Variants in ADGRV1 observed in about 807,000 individuals in gnomAD.
ADGRV1 encodes the protein adhesion G protein-coupled receptor V1.
In ADGRV1, 359 loss-of-function variants were observed where a neutral mutation model predicts 596.2. The observed-to-expected ratio is 0.60, with a 90% CI of 0.55 to 0.66. ADGRV1 has a LOEUF of 0.66. Ranked by LOEUF, ADGRV1 falls within the 30% of genes least tolerant of loss-of-function variation. The pLI is 0.00. For missense variants in ADGRV1, 7,274 were observed against 7,575.6 expected (o/e 0.96, Z 1.48); for synonymous variants, 2,681 against 2,679.2 (o/e 1.00, Z -0.02).
chr5:90,629,690 A>G (rs1765246663), intron 9 of ADGRV1, 151 bp downstream of exon 9: 1 of 591,920 alleles, frequency 1.7e-6, no homozygotes, highest in Admixed American at 3.0e-5. Flanking sequence ...CGGAAGAGAG[A>G]TTATGCCTGC....
chr5:90,930,395 A>G (rs190049799), intron 83 of ADGRV1, among the ~76,000 whole-genome samples: 35 of 152,346 alleles, frequency 2.3e-4, no homozygotes, highest in Admixed American at 4.6e-4. Context: ...TTTATTATAG[A>G]CTTAATTGGC....
At position 90,627,364 on chromosome 5, in the gene ADGRV1, G is replaced by T; in HGVS notation, c.826G>T (p.Asp276Tyr). The T allele has an allele frequency of 6.2e-7, 1 of 1,613,854 alleles. No homozygotes were observed. The highest frequency in any genetic ancestry group is 8.5e-7 in the Non-Finnish European group (1 of 1,179,818). ...GAGTATTTATTTGGTTCCTGAGGAAGACCACATACTCATAATTCCAGTAGT... is the reference window on the plus strand; with the variant it reads ...GAGTATTTATTTGGTTCCTGAGGAATACCACATACTCATAATTCCAGTAGT... ...LQSIYLVPEEDHILIIPVVRG... is the reference protein window; with the variant it reads ...LQSIYLVPEEYHILIIPVVRG... Residue 276 changes from aspartate (D) to tyrosine (Y), a missense_variant, in exon 7 of 90, where the codon GAC (aspartate) becomes TAC (tyrosine). Asp to Tyr is a radical substitution (Grantham distance 160). Transcript: ENST00000405460.
chr5:90,993,050 C>G (rs569515041), intron 85 of ADGRV1, among the ~76,000 whole-genome samples: 86 of 151,204 alleles, frequency 5.7e-4, no homozygotes, highest in African/African-American at 2.0e-3. Flanking sequence ...CCCCCAATGT[C>G]TTTTTTCTAC....
intron 85 of ADGRV1, among the ~76,000 whole-genome samples, chr5:91,037,634 C>T (rs868760676): frequency 9.2e-5 from 14 of 152,094 alleles, no homozygotes; most frequent in South Asian, 8.3e-4. Context: ...AACAGATAAG[C>T]CATAAAAAGA....
At chr5:91,124,498 C>G (rs1793584485) in intron 87 of ADGRV1, among the ~76,000 whole-genome samples, 1 of 152,168 alleles carries the variant, frequency 6.6e-6, no homozygotes, top group Non-Finnish European at 1.5e-5. Context: ...CCTAACATCA[C>G]TTACCAATGT....
chr5:91,081,264 G>A (rs1419255176), intron 86 of ADGRV1, among the ~76,000 whole-genome samples: 1 of 152,022 alleles, frequency 6.6e-6, no homozygotes, highest in Non-Finnish European at 1.5e-5. Context: ...CATTGCATTG[G>A]GAGTTAGGGC....
At chr5:90,585,726 C>G (rs1758671625) in intron 1 of ADGRV1, among the ~76,000 whole-genome samples, 1 of 152,226 alleles carries the variant, frequency 6.6e-6, no homozygotes, top group Non-Finnish European at 1.5e-5. Context: ...GAAAGAGAAG[C>G]AGTCCCGCAT....
chr5:90,781,665 G>A, intron 65 of ADGRV1, 87 bp downstream of exon 65: 5 of 1,279,162 alleles, frequency 3.9e-6, no homozygotes, highest in Non-Finnish European at 4.3e-6. Flanking sequence ...AATTGTTTTA[G>A]TTTGGTGTGG....
At chr5:91,054,098 T>TGAGAGAGAGA (rs1285420454) in intron 85 of ADGRV1, among the ~76,000 whole-genome samples, 5 of 124,568 alleles carry the variant, frequency 4.0e-5, no homozygotes, top group East Asian at 4.3e-4. Flanking sequence ...TGTGTGTGTG[T>TGAGAGAGAGA]GTGTGAGAGA....
chr5:90,872,798 C>G (rs543345010), intron 83 of ADGRV1, among the ~76,000 whole-genome samples: 3 of 152,246 alleles, frequency 2.0e-5, no homozygotes, highest in Admixed American at 2.0e-4. Flanking sequence ...CTCAGAGACC[C>G]CGGTAGTGCT....
intron 1 of ADGRV1, among the ~76,000 whole-genome samples, 153 bp downstream of exon 1, chr5:90,559,070 G>C (rs1341546439): frequency 2.0e-5 from 3 of 152,024 alleles, no homozygotes; most frequent in African/African-American, 7.2e-5. Flanking sequence ...ACCCGGCGCC[G>C]CGGCCTGCGG....
chr5:90,857,882 G>A (rs1442593089), intron 82 of ADGRV1, among the ~76,000 whole-genome samples: 2 of 152,140 alleles, frequency 1.3e-5, no homozygotes, highest in East Asian at 3.8e-4. Context: ...ATAGAACTTG[G>A]CTAGTACTTT....
chr5:91,113,200 C>G (rs911844800), intron 87 of ADGRV1, among the ~76,000 whole-genome samples: 2 of 152,128 alleles, frequency 1.3e-5, no homozygotes, highest in Non-Finnish European at 2.9e-5. Context: ...CCTTTAGGCT[C>G]AAGCAGGTAA....
Position 90,622,608 on chromosome 5 carries a change from C to A in ADGRV1, c.465C>A (p.Ile155=). 1 of 1,450,122 alleles carries A rather than the reference C, an allele frequency of 6.9e-7. No individual in the cohort carries two copies. The allele number at this position is 1,450,122 out of a possible 1,614,324, so 89.8% of individuals were successfully genotyped here. A position where few individuals can be genotyped will look rare whatever the true frequency, so the allele number is the denominator to read the frequency against. ...GIISFNMLPS[I]AVSEPKGRNE... ...GCTTTCCTCAATAGCTTCCCTCAAT[C>A]GCAGTGAGTGAGCCCAAGGGCAGAA... is the stretch of plus-strand genomic sequence containing the variant. Residue 155 remains isoleucine (I), a synonymous_variant, in exon 5 of 90, where the codon ATC becomes ATA. Transcript: ENST00000405460.
At chr5:91,163,402 G>A (rs1010296621) in intron 89 of ADGRV1, among the ~76,000 whole-genome samples, 3 of 152,120 alleles carry the variant, frequency 2.0e-5, no homozygotes, top group African/African-American at 4.8e-5. Flanking sequence ...GGGCCTATAT[G>A]TTTTGTAACA....
intron 85 of ADGRV1, among the ~76,000 whole-genome samples, chr5:90,988,859 C>A (rs1447778154): frequency 2.2e-5 from 3 of 139,118 alleles, no homozygotes; most frequent in African/African-American, 8.1e-5. Flanking sequence ...TCTCATTGTT[C>A]AATTCCCACC....
chr5:91,131,231 C>T (rs13163651), intron 87 of ADGRV1, among the ~76,000 whole-genome samples: 13,345 of 152,232 alleles, frequency 0.088, 657 homozygotes, highest in South Asian at 0.18. Context: ...TTTGCATTCT[C>T]GCCAACGTAT....
chr5:90,578,981 T>C (rs1029752929), intron 1 of ADGRV1, among the ~76,000 whole-genome samples: 13 of 152,086 alleles, frequency 8.5e-5, no homozygotes, highest in East Asian at 1.9e-4. Flanking sequence ...TGAGTCTATT[T>C]GATTCTTCTC....
intron 82 of ADGRV1, among the ~76,000 whole-genome samples, chr5:90,859,264 A>G (rs1767319062): frequency 6.6e-6 from 1 of 152,114 alleles, no homozygotes; most frequent in Admixed American, 6.5e-5. Context: ...GCTGTGAGTC[A>G]CCACACCAGC....
Sources: gnomAD v4.1 joint callset for allele counts (sites outside exome capture counted in the v4.1 genomes callset) on GRCh38, gnomAD v4.1.1 for gene constraint, MANE v1.5 for transcripts, NCBI Gene and HGNC (gene_info 2026-07-23, HGNC 2026-07-21) for gene names.